SERINC5: variants seen among roughly 807,000 people sequenced by gnomAD.
SERINC5 encodes chromosome 5 open reading frame 12.
In SERINC5, 41 loss-of-function variants were observed where a neutral mutation model predicts 63.1. The observed-to-expected ratio is 0.65, with a 90% CI of 0.51 to 0.84. The LOEUF is 0.84. SERINC5 is among the 40% of genes least tolerant of loss of function. SERINC5 has a pLI of 0.00. For synonymous variants in SERINC5, 222 were observed against 215.2 expected (o/e 1.03, Z -0.28); for missense variants, 523 against 573.0 (o/e 0.91, Z 0.89).
At chr5:80,218,725 G>C (rs1485496973) in intron 1 of SERINC5, among the ~76,000 whole-genome samples, 1 of 151,046 alleles carries the variant, frequency 6.6e-6, no homozygotes, top group African/African-American at 2.4e-5. Context: ...GCTGTGCTAT[G>C]GTAATGCCCA....
At chr5:80,212,138 C>T (rs1408899779) in intron 1 of SERINC5, among the ~76,000 whole-genome samples, 1 of 152,150 alleles carries the variant, frequency 6.6e-6, no homozygotes, top group African/African-American at 2.4e-5. Context: ...GGAGACCTAC[C>T]AAAGCTAAGG....
intron 11 of SERINC5, among the ~76,000 whole-genome samples, chr5:80,123,730 C>G (rs184050107): frequency 6.6e-6 from 1 of 152,324 alleles, no homozygotes; most frequent in African/African-American, 2.4e-5. Flanking sequence ...CCTTCACTCT[C>G]CCAGTGGGTC....
At chr5:80,130,502 A>T (rs1744903941) in intron 11 of SERINC5, among the ~76,000 whole-genome samples, 1 of 152,170 alleles carries the variant, frequency 6.6e-6, no homozygotes, top group African/African-American at 2.4e-5. Context: ...ACAGGGCCCT[A>T]TCTGTAATTA....
intron 1 of SERINC5, among the ~76,000 whole-genome samples, chr5:80,204,980 A>T (rs1750079143): frequency 1.3e-5 from 2 of 152,248 alleles, no homozygotes; most frequent in South Asian, 4.1e-4. Context: ...TCTCAGGCAC[A>T]TACACGGTGG....
At chr5:80,132,142 C>T (rs905988927) in intron 11 of SERINC5, among the ~76,000 whole-genome samples, 3 of 152,156 alleles carry the variant, frequency 2.0e-5, no homozygotes, top group Non-Finnish European at 2.9e-5. Context: ...TTTTCACCCC[C>T]AAACCATGAG....
intron 1 of SERINC5, among the ~76,000 whole-genome samples, chr5:80,251,133 G>T (rs1201058374): frequency 6.6e-6 from 1 of 152,070 alleles, no homozygotes; most frequent in African/African-American, 2.4e-5. Flanking sequence ...TTAAAAACTG[G>T]CCAGGCATGG....
chr5:80,238,704 C>T (rs999738360), intron 1 of SERINC5, among the ~76,000 whole-genome samples: 1 of 150,234 alleles, frequency 6.7e-6, no homozygotes, highest in African/African-American at 2.5e-5. Context: ...ATAGCTTGAA[C>T]CCTGGAGACA....
In SERINC5 at chr5:80,143,084, A is replaced by T; in HGVS notation, c.*579T>A. The T allele has an allele frequency of 1.0e-6, 1 of 985,392 alleles. No individual in the cohort carries two copies. The highest frequency in any genetic ancestry group is 1.2e-6 in the Non-Finnish European group (1 of 829,936). 61.0% of individuals were successfully genotyped at this position (985,392 alleles called of 1,614,324 possible). On this transcript the variant is annotated 3_prime_UTR_variant, in exon 12 of 12. Transcript: ENST00000507668. The stretch of plus-strand genomic sequence containing the variant: ...GTGATTCCCAGCATCACAACCTCAA[A>T]GGGAAACGTTTAGGGGCCGTGAAGA...
chr5:80,237,545 G>A (rs1263077526), intron 1 of SERINC5, among the ~76,000 whole-genome samples: 1 of 151,690 alleles, frequency 6.6e-6, no homozygotes, highest in Admixed American at 6.6e-5. Flanking sequence ...ATGTTGCCCA[G>A]GCTGGTATCG....
At chr5:80,122,743 T>G (rs1206798489) in intron 11 of SERINC5, among the ~76,000 whole-genome samples, 2 of 152,218 alleles carry the variant, frequency 1.3e-5, no homozygotes, top group Admixed American at 1.3e-4. Context: ...CAAGTGCCAT[T>G]GCTGCTTGAA....
chr5:80,249,666 G>A (rs902547148), intron 1 of SERINC5, among the ~76,000 whole-genome samples: 23 of 151,946 alleles, frequency 1.5e-4, no homozygotes, highest in Non-Finnish European at 4.4e-5. Context: ...GCTGGGCGTG[G>A]TGGCGGGCAC....
At chr5:80,151,022 T>C in intron 8 of SERINC5, 74 bp from the exon 9 acceptor site, 1 of 1,097,612 alleles carries the variant, frequency 9.1e-7, no homozygotes, top group Non-Finnish European at 1.4e-6. Flanking sequence ...GAAAGCCGGC[T>C]GGCCAGTGCT....
At chr5:80,187,546 C>T (rs988618178) in intron 2 of SERINC5, among the ~76,000 whole-genome samples, 1 of 151,886 alleles carries the variant, frequency 6.6e-6, no homozygotes. Context: ...CTTACACAGC[C>T]TCTTGGCAAC....
intron 2 of SERINC5, among the ~76,000 whole-genome samples, chr5:80,187,485 A>T (rs540852789): frequency 6.6e-6 from 1 of 152,056 alleles, no homozygotes; most frequent in East Asian, 1.9e-4. Flanking sequence ...GTTATTGGTC[A>T]GTGGACAACA....
chr5:80,167,812 CTCTT>C (rs1302289884), intron 6 of SERINC5, among the ~76,000 whole-genome samples: 4 of 152,164 alleles, frequency 2.6e-5, no homozygotes, highest in African/African-American at 4.8e-5. Context: ...TAAGGGATCT[CTCTT>C]TCTTTCCTGC....
chr5:80,134,885 T>A (rs918174765), downstream of SERINC5, among the ~76,000 whole-genome samples: 2 of 152,236 alleles, frequency 1.3e-5, no homozygotes, highest in Admixed American at 6.5e-5. Context: ...AGATGGTTTT[T>A]ATCTAACACA....
At chr5:80,162,265 T>C (rs1746986272) in intron 7 of SERINC5, among the ~76,000 whole-genome samples, 3 of 152,250 alleles carry the variant, frequency 2.0e-5, no homozygotes, top group South Asian at 4.1e-4. Flanking sequence ...GGTATTTTGA[T>C]AGGGATAGCG....
chr5:80,236,277 A>C (rs558766028), intron 1 of SERINC5, among the ~76,000 whole-genome samples: 57 of 152,310 alleles, frequency 3.7e-4, no homozygotes, highest in African/African-American at 1.3e-3. Context: ...ACAGATGTAC[A>C]AACTAAACAA....
chr5:80,207,043 G>A (rs755315721), intron 1 of SERINC5, among the ~76,000 whole-genome samples: 19 of 151,868 alleles, frequency 1.3e-4, no homozygotes, highest in Non-Finnish European at 8.8e-5. Context: ...CAGTCGCCCA[G>A]GCTGGAGTGC....
Sources: gnomAD v4.1 joint callset for allele counts (sites outside exome capture counted in the v4.1 genomes callset) on GRCh38, gnomAD v4.1.1 for gene constraint, MANE v1.5 for transcripts, NCBI Gene and HGNC (gene_info 2026-07-23, HGNC 2026-07-21) for gene names.